ASIC2: variants seen among roughly 807,000 people sequenced by gnomAD.
ASIC2 encodes the protein acid-sensing ion channel 2.
Under a neutral mutation model 57.3 loss-of-function variants are expected in ASIC2, and 25 were observed. The observed-to-expected ratio is 0.44, with a 90% CI of 0.32 to 0.61. The LOEUF (loss-of-function observed/expected upper bound fraction) is 0.61. Ranked by LOEUF, ASIC2 falls within the 20% of genes least tolerant of loss-of-function variation. The pLI is 0.06. For missense variants in ASIC2, 641 were observed against 738.1 expected (o/e 0.87, Z 1.52); for synonymous variants, 319 against 307.5 (o/e 1.04, Z -0.39).
chr17:33,945,384 G>C (rs1387855039), intron 1 of ASIC2, among the ~76,000 whole-genome samples: 2 of 151,874 alleles, frequency 1.3e-5, no homozygotes, highest in African/African-American at 2.4e-5. Flanking sequence ...ATGACCAGGA[G>C]GGCTGTTAAC....
chr17:33,890,631 C>T (rs182074242), intron 1 of ASIC2, among the ~76,000 whole-genome samples: 131 of 152,256 alleles, frequency 8.6e-4, no homozygotes, highest in Middle Eastern at 3.4e-3. Context: ...GTCTGAACCA[C>T]CGTCCATTCT....
chr17:34,016,249 C>A (rs1332447431), intron 1 of ASIC2, among the ~76,000 whole-genome samples: 2 of 151,752 alleles, frequency 1.3e-5, no homozygotes, highest in Non-Finnish European at 2.9e-5. Flanking sequence ...ACGGTGAAAC[C>A]CCGTCTTTAC....
chr17:33,064,993 T>A (rs891081961), intron 3 of ASIC2, among the ~76,000 whole-genome samples: 2 of 152,194 alleles, frequency 1.3e-5, no homozygotes, highest in Admixed American at 6.5e-5. Flanking sequence ...GGGCTTGAAT[T>A]AGAGCCCAGT....
At chr17:34,110,934 T>C (rs1911250143) in intron 1 of ASIC2, among the ~76,000 whole-genome samples, 1 of 152,140 alleles carries the variant, frequency 6.6e-6, no homozygotes, top group Non-Finnish European at 1.5e-5. Flanking sequence ...TTCAAAATTA[T>C]AGGCACAAGC....
intron 1 of ASIC2, chr17:34,069,379 TTCTC>T (rs777429380): frequency 1.7e-4 from 26 of 151,574 alleles, no homozygotes; most frequent in African/African-American, 3.4e-4. Context: ...TTTCCTTTTT[TTCTC>T]TTTCTTTTTT....
intron 1 of ASIC2, among the ~76,000 whole-genome samples, chr17:33,156,664 G>C (rs1035741029): frequency 1.1e-4 from 16 of 151,942 alleles, no homozygotes; most frequent in African/African-American, 3.9e-4. Flanking sequence ...GCTGAGGCAG[G>C]AGAATTGCTT....
chr17:33,495,275 T>C (rs1439170858), intron 1 of ASIC2, among the ~76,000 whole-genome samples: 2 of 152,174 alleles, frequency 1.3e-5, no homozygotes, highest in Non-Finnish European at 2.9e-5. Flanking sequence ...GGGATTCTGA[T>C]GGGTACCCAG....
chr17:33,200,663 T>C (rs1906822004), intron 1 of ASIC2, among the ~76,000 whole-genome samples: 1 of 152,190 alleles, frequency 6.6e-6, no homozygotes, highest in Admixed American at 6.5e-5. Flanking sequence ...GGCCCCTTCT[T>C]ATCACCCCCA....
intron 1 of ASIC2, among the ~76,000 whole-genome samples, chr17:33,536,871 C>T (rs886112988): frequency 1.3e-5 from 2 of 152,026 alleles, no homozygotes; most frequent in Admixed American, 1.3e-4. Context: ...TGGTAGCACT[C>T]ACCTGTAGTT....
chr17:33,891,758 T>C (rs1219069503), intron 1 of ASIC2, among the ~76,000 whole-genome samples: 3 of 152,220 alleles, frequency 2.0e-5, no homozygotes, highest in African/African-American at 7.2e-5. Flanking sequence ...TTAAAGTTTA[T>C]TTATTTATTT....
At chr17:33,633,418 T>G (rs1253078244) in intron 1 of ASIC2, among the ~76,000 whole-genome samples, 2 of 152,082 alleles carry the variant, frequency 1.3e-5, no homozygotes, top group Non-Finnish European at 2.9e-5. Flanking sequence ...GGTTAGAAAA[T>G]AAACATCACA....
At chr17:34,144,435 T>G (rs1200205946) in intron 1 of ASIC2, among the ~76,000 whole-genome samples, 2 of 152,204 alleles carry the variant, frequency 1.3e-5, no homozygotes, top group Non-Finnish European at 2.9e-5. Context: ...GATACTACAC[T>G]GTCAATATAG....
chr17:33,632,627 G>T (rs1048721296), intron 1 of ASIC2, among the ~76,000 whole-genome samples: 3 of 152,002 alleles, frequency 2.0e-5, no homozygotes, highest in Non-Finnish European at 2.9e-5. Flanking sequence ...AGAGATGGGG[G>T]TCTTGCCATG....
chr17:33,678,088 T>TC (rs1250615945), intron 1 of ASIC2, among the ~76,000 whole-genome samples: 1 of 152,154 alleles, frequency 6.6e-6, no homozygotes, highest in African/African-American at 2.4e-5. Context: ...CCCATCCTGA[T>TC]CAGTCAGTAG....
At chr17:33,335,120 C>T (rs1597687841) in intron 1 of ASIC2, among the ~76,000 whole-genome samples, 1 of 152,090 alleles carries the variant, frequency 6.6e-6, no homozygotes, top group East Asian at 1.9e-4. Context: ...TGTGAGAATG[C>T]AGCAATGGGA....
chr17:33,635,263 T>C (rs555256025), intron 1 of ASIC2, among the ~76,000 whole-genome samples: 16 of 152,344 alleles, frequency 1.1e-4, no homozygotes, highest in African/African-American at 3.4e-4. Flanking sequence ...TAAGATTCAG[T>C]GAGCACTTGC....
intron 1 of ASIC2, among the ~76,000 whole-genome samples, chr17:33,180,966 T>C (rs1319168084): frequency 6.6e-6 from 1 of 152,102 alleles, no homozygotes; most frequent in Non-Finnish European, 1.5e-5. Flanking sequence ...ATTTTGATCA[T>C]CTCCTTCGGC....
chr17:33,079,917 G>A (rs1163628076), intron 3 of ASIC2, among the ~76,000 whole-genome samples: 1 of 152,130 alleles, frequency 6.6e-6, no homozygotes, highest in Non-Finnish European at 1.5e-5. Context: ...ACAGAGTTTT[G>A]AATCTAGGGG....
chr17:34,021,265 A>T (rs946338265), intron 1 of ASIC2, among the ~76,000 whole-genome samples: 1 of 152,016 alleles, frequency 6.6e-6, no homozygotes, highest in Admixed American at 6.6e-5. Flanking sequence ...AAAAAAAAAA[A>T]ATAGACTACT....
Sources: gnomAD v4.1 joint callset for allele counts (sites outside exome capture counted in the v4.1 genomes callset) on GRCh38, gnomAD v4.1.1 for gene constraint, MANE v1.5 for transcripts, NCBI Gene and HGNC (gene_info 2026-07-23, HGNC 2026-07-21) for gene names.